The following CHL1 variants were observed in gnomAD, a reference collection of about 807,000 sequenced individuals.
CHL1 encodes cell adhesion molecule L1 like.
A neutral mutation model predicts 141.9 loss-of-function variants in CHL1; 96 were observed. The observed-to-expected ratio is 0.68, with a 90% CI of 0.57 to 0.80. The LOEUF is 0.80. Among genes scored for constraint, CHL1 ranks in the 30% least tolerant of loss-of-function variants. CHL1 has a pLI of 0.00. For synonymous variants in CHL1, 613 were observed against 502.2 expected (o/e 1.22, Z -2.95); for missense variants, 1,820 against 1,457.2 (o/e 1.25, Z -4.05).
rs1191569226 is a variant in CHL1, at chr3:329,332, AT to A, written c.385+980del. ...AGGACTTGCAAAATATGAACACTTG[AT>A]TCTGGGGGTGCAGAATGGCCACAAA... On this transcript the variant is annotated intron_variant, in intron 5 of 27. Transcript: ENST00000256509. 4.0e-5 allele frequency among the ~76,000 whole-genome samples: 6 copies of A among 151,690 alleles called. No individual in the cohort carries two copies. In the East Asian group the frequency reaches 9.7e-4, roughly 24 times the overall value.
intron 2 of CHL1, among the ~76,000 whole-genome samples, chr3:284,652 A>T (rs559027860): frequency 1.3e-5 from 2 of 152,346 alleles, no homozygotes; most frequent in Non-Finnish European, 2.9e-5. Flanking sequence ...GACAAATTTT[A>T]GTTCTATCTT....
intron 2 of CHL1, among the ~76,000 whole-genome samples, chr3:287,396 A>G (rs1697258779): frequency 6.6e-6 from 1 of 152,148 alleles, no homozygotes; most frequent in South Asian, 2.1e-4. Context: ...GCCACCTGAT[A>G]GGTTTACACA....
intron 4 of CHL1, among the ~76,000 whole-genome samples, chr3:326,518 A>C (rs1701025824): frequency 6.6e-6 from 1 of 151,872 alleles, no homozygotes; most frequent in African/African-American, 2.4e-5. Context: ...TTAAGTTGTC[A>C]TAGAAATATT....
intron 2 of CHL1, among the ~76,000 whole-genome samples, chr3:256,673 C>T (rs1694203657): frequency 6.6e-6 from 1 of 152,160 alleles, no homozygotes; most frequent in Admixed American, 6.5e-5. Flanking sequence ...TTGAGAAACT[C>T]TGGCTTAGAG....
intron 1 of CHL1, among the ~76,000 whole-genome samples, chr3:230,450 TTGTTTTG>T (rs1448761770): frequency 6.6e-6 from 1 of 152,180 alleles, no homozygotes; most frequent in African/African-American, 2.4e-5. Context: ...AAGACTGACT[TTGTTTTG>T]TGTTTTGTGC....
chr3:202,197 G>A (rs1199103143), intron 1 of CHL1, among the ~76,000 whole-genome samples: 1 of 152,132 alleles, frequency 6.6e-6, no homozygotes, highest in Non-Finnish European at 1.5e-5. Flanking sequence ...TGTTCTTGTG[G>A]ACATTGTATG....
chr3:302,421 T>C (rs1160918440), intron 2 of CHL1, among the ~76,000 whole-genome samples: 1 of 152,228 alleles, frequency 6.6e-6, no homozygotes, highest in Non-Finnish European at 1.5e-5. Flanking sequence ...TTTCCTGACT[T>C]TTTAAAGATG....
At chr3:254,950 T>C (rs1327324921) in intron 2 of CHL1, among the ~76,000 whole-genome samples, 1 of 152,160 alleles carries the variant, frequency 6.6e-6, no homozygotes, top group Admixed American at 6.5e-5. Context: ...CCTACCATCA[T>C]GCAAAGAAGC....
chr3:325,293 T>C (rs1183312306), intron 3 of CHL1, among the ~76,000 whole-genome samples: 1 of 152,040 alleles, frequency 6.6e-6, no homozygotes, highest in Non-Finnish European at 1.5e-5. Context: ...AACCACTCTA[T>C]TTTTGTTATT....
chr3:307,306 G>C (rs1387038677), intron 2 of CHL1, among the ~76,000 whole-genome samples: 1 of 152,138 alleles, frequency 6.6e-6, no homozygotes, highest in Non-Finnish European at 1.5e-5. Flanking sequence ...GTGTACACAT[G>C]CACAAGCATG....
At chr3:383,600 A>G (rs143330129) in intron 18 of CHL1, among the ~76,000 whole-genome samples, 1,692 of 152,296 alleles carry the variant, frequency 0.011, 10 homozygotes, top group Middle Eastern at 0.037. Context: ...CCACTGGATA[A>G]TAATTATTTC....
At chr3:280,776 AG>A (rs1483209641) in intron 2 of CHL1, among the ~76,000 whole-genome samples, 1 of 152,156 alleles carries the variant, frequency 6.6e-6, no homozygotes, top group Non-Finnish European at 1.5e-5. Context: ...GTGGGTAGTA[AG>A]TTTAATCATT....
In CHL1 at chr3:262,603, G is replaced by A. The variant is rs372044102; in HGVS notation, c.-95+17911G>A. Among the ~76,000 whole-genome samples the A allele has an allele frequency of 3.9e-5, 6 of 152,130 alleles. No homozygotes were observed. In the East Asian group the frequency reaches 9.6e-4, roughly 24 times the overall value. On this transcript the variant is annotated intron_variant, in intron 2 of 27. Transcript: ENST00000256509. ...CAGGGCAGGATTCACACATTTAAAT[G>A]CTAAGGGATGAGGTATCAGGAGAGG...
intron 2 of CHL1, among the ~76,000 whole-genome samples, chr3:269,030 A>G (rs1483053000): frequency 6.6e-6 from 1 of 152,180 alleles, no homozygotes; most frequent in Non-Finnish European, 1.5e-5. Context: ...GCATGCAGAG[A>G]TTAGCCTGGT....
chr3:328,003 T>G (rs1028529984), intron 4 of CHL1, among the ~76,000 whole-genome samples, 164 bp from the exon 5 acceptor site: 17 of 152,104 alleles, frequency 1.1e-4, no homozygotes, highest in African/African-American at 4.1e-4. Context: ...GTAATATTTC[T>G]CAGATTCTTC....
At chr3:400,238 G>T (rs1709013476) in intron 26 of CHL1, among the ~76,000 whole-genome samples, 1 of 152,186 alleles carries the variant, frequency 6.6e-6, no homozygotes, top group Admixed American at 6.5e-5. Context: ...TAGAAACATT[G>T]AGAGCATAAT....
intron 15 of CHL1, among the ~76,000 whole-genome samples, chr3:375,945 A>G (rs1706258202): frequency 6.6e-6 from 1 of 152,188 alleles, no homozygotes. Context: ...GGCTGCTGAC[A>G]TGGATTAGGG....
At chr3:326,998 A>G (rs1445076464) in intron 4 of CHL1, among the ~76,000 whole-genome samples, 1 of 151,954 alleles carries the variant, frequency 6.6e-6, no homozygotes, top group Non-Finnish European at 1.5e-5. Context: ...AATGGAATTA[A>G]GGATAATTTA....
intron 12 of CHL1, among the ~76,000 whole-genome samples, chr3:360,824 G>A (rs1200177277): frequency 7.1e-6 from 1 of 141,810 alleles, no homozygotes; most frequent in East Asian, 2.1e-4. Flanking sequence ...TCCCACCTAT[G>A]AGTGAGAATA....
Sources: gnomAD v4.1 joint callset for allele counts (sites outside exome capture counted in the v4.1 genomes callset) on GRCh38, gnomAD v4.1.1 for gene constraint, MANE v1.5 for transcripts, NCBI Gene and HGNC (gene_info 2026-07-23, HGNC 2026-07-21) for gene names.